Variants in SIPA1L3 observed in about 807,000 individuals in gnomAD.
SIPA1L3 encodes signal-induced proliferation-associated 1-like protein 3.
A neutral mutation model predicts 150.1 loss-of-function variants in SIPA1L3; 59 were observed. That is an observed-to-expected ratio of 0.39 (90% CI 0.32 to 0.49). SIPA1L3 has a LOEUF of 0.49. SIPA1L3 is among the 20% of genes least tolerant of loss of function. The pLI, the probability that SIPA1L3 is intolerant of heterozygous loss-of-function variation, is 0.86. For missense variants in SIPA1L3, 2,211 were observed against 2,489.5 expected, an observed-to-expected ratio of 0.89 and a Z score of 2.38; for synonymous variants, 1,070 against 1,077.6, an observed-to-expected ratio of 0.99 and a Z score of 0.14.
intron 19 of SIPA1L3, chr19:38,200,452 C>G (rs899229473): frequency 3.3e-5 from 5 of 152,190 alleles, no homozygotes; most frequent in African/African-American, 1.2e-4. Context: ...GGTCAGAACT[C>G]CCATGCTGAT....
chr19:37,983,158 C>T (rs1332861334), intron 1 of SIPA1L3, among the ~76,000 whole-genome samples: 2 of 152,164 alleles, frequency 1.3e-5, no homozygotes, highest in East Asian at 1.9e-4. Flanking sequence ...AAATAAATGA[C>T]TCATGTGATG....
intron 8 of SIPA1L3, among the ~76,000 whole-genome samples, chr19:38,116,139 G>C (rs1215927117): frequency 6.6e-6 from 1 of 152,108 alleles, no homozygotes; most frequent in South Asian, 2.1e-4. Context: ...CTGACAAATA[G>C]GTTTTAATCA....
intron 1 of SIPA1L3, among the ~76,000 whole-genome samples, chr19:37,972,281 A>T (rs945227178): frequency 6.6e-6 from 1 of 151,830 alleles, no homozygotes; most frequent in African/African-American, 2.4e-5. Flanking sequence ...AAGGAAACTA[A>T]TTGTCTTAAA....
At chr19:38,126,416 T>C (rs1238628088) in intron 9 of SIPA1L3, among the ~76,000 whole-genome samples, 1 of 152,158 alleles carries the variant, frequency 6.6e-6, no homozygotes, top group African/African-American at 2.4e-5. Flanking sequence ...GGGCTTTGAA[T>C]GGCACCCAAC....
chr19:38,077,661 C>CTTTTTTTTTTTTTTTTTT lies in SIPA1L3; in HGVS notation c.-310-3585_-310-3568dup, dbSNP rs58788182. ...TTTTTTCTTTTTTCTTTTTCTTTTT[C>CTTTTTTTTTTTTTTTTTT]TTTTTTTTTTTTTTTTTTTTTTTTT... is the stretch of plus-strand genomic sequence containing the variant. On this transcript the variant is annotated intron_variant, in intron 2 of 21. Transcript: ENST00000222345. Among the ~76,000 whole-genome samples, 131 of 64,346 alleles carry CTTTTTTTTTTTTTTTTTT rather than the reference C, an allele frequency of 2.0e-3. 8 individuals are homozygous for CTTTTTTTTTTTTTTTTTT. Among genetic ancestry groups the CTTTTTTTTTTTTTTTTTT allele is most frequent in the Non-Finnish European group, 2.8e-3 (97 of 35,214 alleles). 42.2% of individuals were successfully genotyped at this position (64,346 alleles called of 152,430 possible).
chr19:37,910,771 A>G (rs2046370808), intron 1 of SIPA1L3, among the ~76,000 whole-genome samples: 1 of 152,036 alleles, frequency 6.6e-6, no homozygotes, highest in Non-Finnish European at 1.5e-5. Flanking sequence ...TGCCTGGCTA[A>G]TTTTTGTATT....
intron 4 of SIPA1L3, among the ~76,000 whole-genome samples, chr19:38,095,735 C>T (rs1970364319): frequency 6.6e-6 from 1 of 151,948 alleles, no homozygotes; most frequent in African/African-American, 2.4e-5. Context: ...CCACTCATGA[C>T]CTGCCAGTGT....
At chr19:37,980,939 C>T (rs998639300) in intron 1 of SIPA1L3, among the ~76,000 whole-genome samples, 3 of 152,172 alleles carry the variant, frequency 2.0e-5, no homozygotes, top group African/African-American at 4.8e-5. Context: ...TCATGAGACA[C>T]GGGACACATC....
At chr19:38,110,488 T>A in intron 8 of SIPA1L3, 104 bp downstream of exon 8, 1 of 928,890 alleles carries the variant, frequency 1.1e-6, no homozygotes, top group Non-Finnish European at 1.6e-6. Flanking sequence ...ACGTTGTGCT[T>A]CAGGAGAAGA....
chr19:38,000,456 CACAGAGTGA>C (rs1253082612), intron 1 of SIPA1L3, among the ~76,000 whole-genome samples: 1 of 128,098 alleles, frequency 7.8e-6, no homozygotes, highest in African/African-American at 3.0e-5. Flanking sequence ...CAACAGAGTG[CACAGAGTGA>C]GACTCTGTCT....
intron 1 of SIPA1L3, among the ~76,000 whole-genome samples, chr19:37,930,484 T>G (rs1037957197): frequency 2.0e-5 from 3 of 152,154 alleles, no homozygotes; most frequent in African/African-American, 7.2e-5. Flanking sequence ...ATAAATATTT[T>G]ATAATCCTGC....
At chr19:37,950,072 G>A in intron 1 of SIPA1L3, among the ~76,000 whole-genome samples, 1 of 98,744 alleles carries the variant, frequency 1.0e-5, no homozygotes, top group South Asian at 3.5e-4. Context: ...GCCAGACTGT[G>A]TCTCAAAAAA....
At chr19:37,909,230 C>T (rs1160725192) in intron 1 of SIPA1L3, among the ~76,000 whole-genome samples, 13 of 152,218 alleles carry the variant, frequency 8.5e-5, no homozygotes, top group South Asian at 2.1e-4. Context: ...CAGCTTGAGA[C>T]GGAGTCTTGC....
At position 38,176,467 on chromosome 19, in the gene SIPA1L3, C is replaced by T. The variant is rs143093754; in HGVS notation, c.4209-6052C>T. On this transcript the variant is annotated intron_variant, in intron 15 of 21. Transcript: ENST00000222345. ...GCTGGAATCCAATGGTGCAGTCATGCCTCACTGCAGCCTCAAACTCCTGGG... is the reference window on the plus strand; with the variant it reads ...GCTGGAATCCAATGGTGCAGTCATGTCTCACTGCAGCCTCAAACTCCTGGG... Among the ~76,000 whole-genome samples the T allele has an allele frequency of 3.1e-4, 47 of 151,738 alleles. No homozygotes were observed. In the East Asian group the frequency reaches 7.6e-3, roughly 25 times the overall value.
At chr19:37,996,977 G>A (rs1298655870) in intron 1 of SIPA1L3, among the ~76,000 whole-genome samples, 2 of 151,952 alleles carry the variant, frequency 1.3e-5, no homozygotes, top group African/African-American at 2.4e-5. Flanking sequence ...GATTACAGGC[G>A]TGAGCCACCG....
rs963266394 is a variant in SIPA1L3, at chr19:38,047,934, C to T, written c.-311+18778C>T. Among the ~76,000 whole-genome samples the T allele has an allele frequency of 4.6e-5, 7 of 152,130 alleles. No homozygotes were observed. Among genetic ancestry groups the T allele is most frequent in the African/African-American group, 1.2e-4 (5 of 41,418 alleles). On this transcript the variant is annotated intron_variant, in intron 2 of 21. Coordinates refer to ENST00000222345, the MANE Select transcript of SIPA1L3 (RefSeq NM_015073.3). The surrounding 1 kb of genome is among the most constrained non-coding windows in gnomAD (Gnocchi z 4.7). ...TCAGGAGAAATACAACATGGGAAAC[C>T]GGCGGTAACTCCACTGTGGTAAAGG...
chr19:38,075,164 T>C (rs1429784985), intron 2 of SIPA1L3, among the ~76,000 whole-genome samples: 1 of 152,250 alleles, frequency 6.6e-6, no homozygotes, highest in Non-Finnish European at 1.5e-5. Context: ...TTTTAGAAAT[T>C]TGCAACTATT....
At chr19:37,997,188 A>G (rs1022162022) in intron 1 of SIPA1L3, among the ~76,000 whole-genome samples, 2 of 152,174 alleles carry the variant, frequency 1.3e-5, no homozygotes, top group African/African-American at 4.8e-5. Flanking sequence ...TCCTTGTCTG[A>G]AAAGTGGGAC....
At chr19:38,049,696 T>G (rs1481600441) in intron 2 of SIPA1L3, among the ~76,000 whole-genome samples, 1 of 152,124 alleles carries the variant, frequency 6.6e-6, no homozygotes, top group East Asian at 1.9e-4. Context: ...GTACTTTTGG[T>G]AGAACTGGGG....
Sources: allele counts gnomAD v4.1 joint callset (sites outside exome capture counted in the v4.1 genomes callset), GRCh38; gene constraint gnomAD v4.1.1; non-coding constraint Gnocchi (gnomAD v3.1); transcripts MANE v1.5; gene names NCBI Gene and HGNC (gene_info 2026-07-23, HGNC 2026-07-21).